Variants in IZUMO3 observed in about 807,000 individuals in gnomAD.
IZUMO3 encodes the protein IZUMO family member 3.
A neutral mutation model predicts 28.4 loss-of-function variants in IZUMO3; 36 were observed. That is an observed-to-expected ratio of 1.27 (90% CI 0.97 to 1.67). IZUMO3 has a LOEUF of 1.67. IZUMO3 is among the 40% of genes most tolerant of loss of function. IZUMO3 has a pLI of 0.00. For missense variants in IZUMO3, 387 were observed against 278.5 expected (o/e 1.39, Z -2.77); for synonymous variants, 126 against 99.2 (o/e 1.27, Z -1.61).
intron 5 of IZUMO3, 102 bp downstream of exon 5, chr9:24,544,099 A>C: frequency 1.3e-6 from 1 of 798,310 alleles, no homozygotes; most frequent in Non-Finnish European, 2.1e-6. Flanking sequence ...CCTCCATTAA[A>C]GGTCATGTAG....
chr9:24,544,684 G>A, intron 4 of IZUMO3, 59 bp downstream of exon 4: 1 of 1,468,508 alleles, frequency 6.8e-7, no homozygotes, highest in South Asian at 1.2e-5. Context: ...GCCATATAGA[G>A]CAAAGGAGAT....
Position 24,544,728 on chromosome 9 carries a change from A to G in IZUMO3, c.409+15T>C, listed in dbSNP as rs1025123214. ...ATGGGCTGAAACCTCAAGGCGTCAC[A>G]TGTACTGTACTCACTGCAATCTTCA... is the stretch of plus-strand genomic sequence containing the variant. On this transcript the variant is annotated intron_variant, in intron 4 of 6. Coordinates refer to ENST00000543880, the MANE Select transcript of IZUMO3 (RefSeq NM_001365008.2). 58 of 1,549,420 alleles carry G rather than the reference A, an allele frequency of 3.7e-5. No homozygotes were observed. The highest frequency in any genetic ancestry group is 4.6e-5 in the Non-Finnish European group (53 of 1,146,120).
At position 24,545,717 on chromosome 9, in the gene IZUMO3, T is replaced by A; in HGVS notation, c.-68A>T. 1 of 1,532,904 alleles carries A rather than the reference T, an allele frequency of 6.5e-7. No individual in the cohort carries two copies. Among genetic ancestry groups the A allele is most frequent in the South Asian group, 1.2e-5 (1 of 83,490 alleles). 95.0% of individuals were successfully genotyped at this position (1,532,904 alleles called of 1,614,324 possible). A position where few individuals can be genotyped will look rare whatever the true frequency, so the allele number is the denominator to read the frequency against. On this transcript the variant is annotated 5_prime_UTR_variant, in exon 1 of 7. It adds an upstream start codon to the 5' untranslated region. Coordinates refer to ENST00000543880, the MANE Select transcript of IZUMO3 (RefSeq NM_001365008.2). ...AACTAGTTCACTTAGTTCCTTTTCC[T>A]TCAAAAATCCGGGAATGAGAGCCTG...
At position 24,542,981 on chromosome 9, in the gene IZUMO3, A is replaced by G. The variant is rs191299021; in HGVS notation, c.*248T>C. ...TGCATTATTTATTACTATCCAGCATATTATCTTTCCTGTGCATTGCAACAT... is the reference window on the plus strand; with the variant it reads ...TGCATTATTTATTACTATCCAGCATGTTATCTTTCCTGTGCATTGCAACAT... On this transcript the variant is annotated 3_prime_UTR_variant, in exon 7 of 7. Transcript: ENST00000543880. The G allele has an allele frequency of 1.8e-3, 574 of 320,030 alleles. 6 individuals carry two copies. The highest frequency in any genetic ancestry group is 0.011 in the African/African-American group (524 of 46,806). 19.8% of individuals were successfully genotyped at this position (320,030 alleles called of 1,614,324 possible). A position where few individuals can be genotyped will look rare whatever the true frequency, so the allele number is the denominator to read the frequency against.
chr9:24,543,916 G>T (rs1013839922), intron 5 of IZUMO3, among the ~76,000 whole-genome samples, 162 bp from the exon 6 acceptor site: 2 of 152,004 alleles, frequency 1.3e-5, no homozygotes, highest in Non-Finnish European at 2.9e-5. Flanking sequence ...TAGTCTCCTA[G>T]GTTCTACAAA....
chr9:24,543,663 C>T lies in IZUMO3; in HGVS notation c.581+1G>A. 7.1e-6 allele frequency: 11 copies of T among 1,538,634 alleles called. No individual in the cohort carries two copies. Among genetic ancestry groups the T allele is most frequent in the Non-Finnish European group, 9.7e-6 (11 of 1,136,634 alleles). ...TGTTTATTTGGAGAGAAGAAACTCA[C>T]AGTAACACAGCACTTCCCAGTATTA... On this transcript the variant is annotated splice_donor_variant, in intron 6 of 6. Transcript: ENST00000543880. LOFTEE classifies it high-confidence loss of function.
At chr9:24,544,782 C>T in intron 3 of IZUMO3, 22 bp from the exon 4 acceptor site, 2 of 1,549,532 alleles carry the variant, frequency 1.3e-6, no homozygotes, top group South Asian at 1.2e-5. Context: ...TCAGAAAGTT[C>T]TAATGAGTTT....
chr9:24,543,238 G>T lies in IZUMO3; in HGVS notation c.711C>A (p.Leu237=). ...GTCCATGTTGATGTGTTTATTTTCT[G>T]AGTCTAAAGTCTTTCTCCTCCTTCT... ...IDEKEEKDFR[L]RK Residue 237 remains leucine, a synonymous_variant, in exon 7 of 7, where the codon CTC becomes CTA. Transcript: ENST00000543880. 6.5e-7 allele frequency: 1 copy of T among 1,542,216 alleles called. No individual in the cohort carries two copies.
chr9:24,544,660 G>T, intron 4 of IZUMO3, 83 bp downstream of exon 4: 1 of 1,207,858 alleles, frequency 8.3e-7, no homozygotes, highest in Non-Finnish European at 1.2e-6. Context: ...AGTGTAACAG[G>T]TGGGAGAGAT....
Position 24,543,314 on chromosome 9 carries a change from A to G in IZUMO3, c.635T>C (p.Leu212Pro), listed in dbSNP as rs1461835056. ...AAGTTTCTTCTCCACATATTCCTTT[A>G]GCGACCTTCGTATTGCCTTCATTTT... is the stretch of plus-strand genomic sequence containing the variant. ...RRKMKAIRRS[L>P]KEYVEKKLEE... Residue 212 changes from leucine (L) to proline (P), a missense_variant, in exon 7 of 7, where the codon CTA (leucine) becomes CCA (proline). Transcript: ENST00000543880. The G allele has an allele frequency of 5.8e-6, 9 of 1,548,742 alleles. No homozygotes were observed. In the Admixed American group the frequency reaches 9.8e-5, roughly 17 times the overall value.
chr9:24,544,140 G>C, intron 5 of IZUMO3, 61 bp downstream of exon 5: 2 of 1,145,810 alleles, frequency 1.7e-6, no homozygotes, highest in East Asian at 2.6e-5. Flanking sequence ...GAATAAATCA[G>C]TGAGCAACCC....
intron 5 of IZUMO3, among the ~76,000 whole-genome samples, chr9:24,543,995 A>G (rs1819521869): frequency 6.6e-6 from 1 of 152,056 alleles, no homozygotes; most frequent in Non-Finnish European, 1.5e-5. Flanking sequence ...TAGCCTCTTC[A>G]TTTCTCAGCC....
Position 24,544,953 on chromosome 9 carries a change from T to C in IZUMO3, c.391+19A>G, listed in dbSNP as rs189638602. 527 of 1,502,306 alleles carry C rather than the reference T, an allele frequency of 3.5e-4. No individual in the cohort carries two copies. The African/African-American group carries it at 6.3e-3, about 18-fold the overall frequency. 93.1% of individuals were successfully genotyped at this position (1,502,306 alleles called of 1,614,324 possible). ...CCTTCATATAACTTCAGTGCTGTTATATAGAAAGTTTTACTTACCAATTTC... is the reference window on the plus strand; with the variant it reads ...CCTTCATATAACTTCAGTGCTGTTACATAGAAAGTTTTACTTACCAATTTC... On this transcript the variant is annotated intron_variant, in intron 3 of 6. Transcript: ENST00000543880.
chr9:24,544,090 C>T, intron 5 of IZUMO3, 111 bp downstream of exon 5: 1 of 755,670 alleles, frequency 1.3e-6, no homozygotes, highest in Middle Eastern at 2.3e-4. Flanking sequence ...CTACCATGAC[C>T]TCCATTAAAG....
intron 6 of IZUMO3, 39 bp downstream of exon 6, chr9:24,543,625 A>G: frequency 7.2e-7 from 1 of 1,388,342 alleles, no homozygotes; most frequent in African/African-American, 1.4e-5. Context: ...GGCAAAAGGA[A>G]TATTTGACCC....
rs914777381 is a variant in IZUMO3, at chr9:24,545,790, T to C, written c.-141A>G. 8 of 1,540,020 alleles carry C rather than the reference T, an allele frequency of 5.2e-6. No homozygotes were observed. On this transcript the variant is annotated 5_prime_UTR_variant, in exon 1 of 7. Transcript: ENST00000543880. Reference sequence around the variant, plus strand: ...TTTTCCCGCTGTTTCCATCCCACTATCGGGCAATCTTTAGTTGTTTAGTTT... The same window carrying C: ...TTTTCCCGCTGTTTCCATCCCACTACCGGGCAATCTTTAGTTGTTTAGTTT...
rs942330792 is a variant in IZUMO3, at chr9:24,544,409, T to A, written c.410-128A>T. On this transcript the variant is annotated intron_variant, in intron 4 of 6. Transcript: ENST00000543880. Reference sequence around the variant, plus strand: ...CTCTCAAGTTTGCATTGCTGTGAATTTCTTCTTCTCCTAGAAATCAAGTTT... The same window carrying A: ...CTCTCAAGTTTGCATTGCTGTGAATATCTTCTTCTCCTAGAAATCAAGTTT... The A allele has an allele frequency of 4.2e-6, 3 of 713,598 alleles. No homozygotes were observed. In the African/African-American group the frequency reaches 5.4e-5, roughly 13 times the overall value. 44.2% of individuals were successfully genotyped at this position (713,598 alleles called of 1,614,324 possible).
chr9:24,544,451 C>G (rs1334090325), intron 4 of IZUMO3, among the ~76,000 whole-genome samples, 170 bp from the exon 5 acceptor site: 1 of 152,072 alleles, frequency 6.6e-6, no homozygotes, highest in African/African-American at 2.4e-5. Context: ...GGATCAAAAT[C>G]TGTAAGTCTG....
At position 24,545,407 on chromosome 9, in the gene IZUMO3, A is replaced by G. The variant is rs1257546444; in HGVS notation, c.226+17T>C. On this transcript the variant is annotated intron_variant, in intron 1 of 6. Transcript: ENST00000543880. ...CGTTTAAGCCCCTGGACTCTCAGGA[A>G]CTCAAGCTTCCCTCACCCAACACCC... is the stretch of plus-strand genomic sequence containing the variant. 6.5e-7 allele frequency: 1 copy of G among 1,542,922 alleles called. No individual in the cohort carries two copies. The highest frequency in any genetic ancestry group is 1.4e-5 in the African/African-American group (1 of 72,980).
Sources: allele counts gnomAD v4.1 joint callset (sites outside exome capture counted in the v4.1 genomes callset), GRCh38; gene constraint gnomAD v4.1.1; transcripts MANE v1.5; gene names NCBI Gene and HGNC (gene_info 2026-07-23, HGNC 2026-07-21).